Variants in WWOX observed in about 807,000 individuals in gnomAD.
WWOX encodes the protein WW domain containing oxidoreductase, also known as WW domain-containing oxidoreductase.
A neutral mutation model predicts 46.2 loss-of-function variants in WWOX; 69 were observed. The observed-to-expected ratio is 1.49, with a 90% confidence interval of 1.23 to 1.82. WWOX has a LOEUF of 1.82. WWOX is among the 40% of genes most tolerant of loss of function. WWOX has a pLI of 0.00. For synonymous variants in WWOX, 359 were observed against 202.6 expected (o/e 1.77, Z -6.56); for missense variants, 919 against 542.6 (o/e 1.69, Z -6.89).
At chr16:78,658,856 C>T (rs1478417585) in intron 8 of WWOX, among the ~76,000 whole-genome samples, 2 of 151,598 alleles carry the variant, frequency 1.3e-5, no homozygotes, top group South Asian at 2.1e-4. Flanking sequence ...TTTTGGGAGG[C>T]CGAGGCAGGC....
intron 8 of WWOX, among the ~76,000 whole-genome samples, chr16:79,186,362 C>T (rs767551288): frequency 5.9e-5 from 9 of 152,218 alleles, no homozygotes; most frequent in Non-Finnish European, 1.2e-4. Flanking sequence ...ACTCTCCTTG[C>T]TCCTCTCGCT....
intron 8 of WWOX, among the ~76,000 whole-genome samples, chr16:78,599,891 T>C (rs1024787264): frequency 1.3e-5 from 2 of 152,034 alleles, no homozygotes; most frequent in African/African-American, 4.8e-5. Flanking sequence ...ACCACCGCAT[T>C]TCTAGGACTC....
At chr16:78,908,372 C>G (rs141112040) in intron 8 of WWOX, among the ~76,000 whole-genome samples, 2 of 152,012 alleles carry the variant, frequency 1.3e-5, no homozygotes, top group Admixed American at 6.5e-5. Flanking sequence ...AAACCCCATC[C>G]CTACTAAAGA....
chr16:78,272,143 G>C (rs7202803), intron 5 of WWOX, among the ~76,000 whole-genome samples: 29,035 of 152,042 alleles, frequency 0.19, 3,158 homozygotes, highest in South Asian at 0.29. Flanking sequence ...TGTGATTTCT[G>C]TAAGTTGGGG....
intron 6 of WWOX, among the ~76,000 whole-genome samples, chr16:78,394,865 T>C (rs1450414411): frequency 6.6e-6 from 1 of 152,124 alleles, no homozygotes; most frequent in Non-Finnish European, 1.5e-5. Flanking sequence ...AACGTGGGTG[T>C]TGGGGGTCAA....
At chr16:78,524,706 A>G (rs1237640059) in intron 8 of WWOX, among the ~76,000 whole-genome samples, 1 of 151,922 alleles carries the variant, frequency 6.6e-6, no homozygotes, top group Non-Finnish European at 1.5e-5. Context: ...GGTGTGAGCC[A>G]CCGCGCCCAG....
chr16:78,579,656 C>A (rs985110734), intron 8 of WWOX, among the ~76,000 whole-genome samples: 1 of 152,200 alleles, frequency 6.6e-6, no homozygotes, highest in African/African-American at 2.4e-5. Context: ...TGTAAGAGAT[C>A]ATCTCTGTCT....
chr16:78,481,461 G>A (rs191256706), intron 8 of WWOX, among the ~76,000 whole-genome samples: 4 of 152,164 alleles, frequency 2.6e-5, no homozygotes, highest in Admixed American at 2.6e-4. Context: ...AAGAGTCATG[G>A]CATAGATGCT....
At chr16:78,101,014 G>C (rs1046507044) in intron 1 of WWOX, among the ~76,000 whole-genome samples, 1 of 151,824 alleles carries the variant, frequency 6.6e-6, no homozygotes, top group Non-Finnish European at 1.5e-5. Flanking sequence ...TTTTGTAAGA[G>C]CCTTTTTCTG....
chr16:79,044,866 C>G (rs1033956064), intron 8 of WWOX, among the ~76,000 whole-genome samples: 3 of 152,148 alleles, frequency 2.0e-5, no homozygotes, highest in African/African-American at 2.4e-5. Flanking sequence ...GTCACTCAGC[C>G]TCATTGAGTC....
At chr16:78,889,315 A>G (rs11641087) in intron 8 of WWOX, among the ~76,000 whole-genome samples, 4 of 149,864 alleles carry the variant, frequency 2.7e-5, no homozygotes, top group East Asian at 2.0e-4. Flanking sequence ...AATGCTTTCT[A>G]TCTGGCTTTT....
chr16:78,330,620 C>G (rs566785878), intron 5 of WWOX, among the ~76,000 whole-genome samples: 1 of 152,226 alleles, frequency 6.6e-6, no homozygotes, highest in South Asian at 2.1e-4. Context: ...TGCTCTCGAT[C>G]TTTTGACCTC....
At chr16:78,524,846 GTTGA>G (rs1317064801) in intron 8 of WWOX, among the ~76,000 whole-genome samples, 1 of 130,286 alleles carries the variant, frequency 7.7e-6, no homozygotes, top group East Asian at 2.2e-4. Flanking sequence ...TAAAGAATGC[GTTGA>G]TTTTGTTTTT....
At chr16:78,473,885 C>T (rs752429034) in intron 8 of WWOX, among the ~76,000 whole-genome samples, 26 of 152,146 alleles carry the variant, frequency 1.7e-4, no homozygotes, top group Admixed American at 9.8e-4. Flanking sequence ...CATTCTTCTT[C>T]GCCGTTGTTA....
At chr16:78,363,433 C>G (rs1010837918) in intron 5 of WWOX, among the ~76,000 whole-genome samples, 3 of 94,198 alleles carry the variant, frequency 3.2e-5, no homozygotes, top group African/African-American at 1.3e-4. Flanking sequence ...ACCACCACTT[C>G]CAGCTGATTA....
chr16:78,446,107 C>A (rs2083555184), intron 8 of WWOX, among the ~76,000 whole-genome samples: 1 of 152,158 alleles, frequency 6.6e-6, no homozygotes, highest in African/African-American at 2.4e-5. Context: ...ATGTGTTTTT[C>A]TTCCTTTGGT....
intron 8 of WWOX, among the ~76,000 whole-genome samples, chr16:78,584,486 G>C (rs1293705937): frequency 6.6e-6 from 1 of 152,128 alleles, no homozygotes; most frequent in South Asian, 2.1e-4. Flanking sequence ...TTTGCTGTGA[G>C]GATTAAAGAC....
chr16:79,191,088 G>C (rs115951119), intron 8 of WWOX, among the ~76,000 whole-genome samples: 6,044 of 152,150 alleles, frequency 0.04, 423 homozygotes, highest in African/African-American at 0.14. Context: ...CTCTGTTGCA[G>C]TGTCGCCCAG....
chr16:78,141,938 G>A (rs2034003011), intron 4 of WWOX, among the ~76,000 whole-genome samples: 1 of 151,054 alleles, frequency 6.6e-6, no homozygotes, highest in Non-Finnish European at 1.5e-5. Context: ...ATTCTATGTA[G>A]TTTCCATTTC....
Sources: gnomAD v4.1 joint callset for allele counts (sites outside exome capture counted in the v4.1 genomes callset) on GRCh38, gnomAD v4.1.1 for gene constraint, MANE v1.5 for transcripts, NCBI Gene and HGNC (gene_info 2026-07-23, HGNC 2026-07-21) for gene names.